The following CNGB1 variants were observed in gnomAD, a reference collection of about 807,000 sequenced individuals.
CNGB1 encodes cyclic nucleotide gated channel subunit beta 1.
CNGB1 carries 126 observed loss-of-function variants against 151.7 expected under a neutral mutation model. That is an observed-to-expected ratio of 0.83 (90% CI 0.72 to 0.96). The LOEUF is 0.96. Among genes scored for constraint, CNGB1 ranks in the 40% least tolerant of loss-of-function variants. The probability of loss-of-function intolerance (pLI) is 0.00; values close to 1 mark genes in which losing one functional copy is unlikely to be tolerated. For missense variants in CNGB1, 1,698 were observed against 1,627.0 expected, an observed-to-expected ratio of 1.04 and a Z score of -0.75; for synonymous variants, 623 against 635.1, an observed-to-expected ratio of 0.98 and a Z score of 0.29.
chr16:57,923,146 C>T (rs900878383), intron 18 of CNGB1, 127 bp downstream of exon 18: 1 of 659,528 alleles, frequency 1.5e-6, no homozygotes, highest in South Asian at 1.8e-5. Flanking sequence ...TCCCGACTTA[C>T]TGCTCGGAAG....
chr16:57,884,283 C>T lies in CNGB1; in HGVS notation c.3637G>A (p.Glu1213Lys), dbSNP rs1959842677. 6.2e-7 allele frequency: 1 copy of T among 1,613,442 alleles called. No individual in the cohort carries two copies. The highest frequency in any genetic ancestry group is 1.3e-5 in the African/African-American group (1 of 75,012). The change falls in exon 33 of 33, where the codon GAG (glutamate) becomes AAG (lysine). Residue 1213 changes from glutamate (E) to lysine (K), a missense_variant. Physicochemically the swap from Glu to Lys is moderately conservative, Grantham distance 56 (BLOSUM62 1). Transcript: ENST00000251102. ...TGCTCTTCGGGCTCGGCCGGCCCCT[C>T]CTCCTCTCCCTCCGGCCTCCCAAGG... Reference protein sequence around the residue: ...ASLGRPEGEEEGPAEPEEHSV... With the variant: ...ASLGRPEGEEKGPAEPEEHSV...
At chr16:57,955,754 G>A (rs750769179) in intron 12 of CNGB1, among the ~76,000 whole-genome samples, 2 of 151,638 alleles carry the variant, frequency 1.3e-5, no homozygotes, top group Non-Finnish European at 2.9e-5. Flanking sequence ...AGACGGAGGC[G>A]GGCACTGGAG....
At chr16:57,904,145 C>T (rs1197178927) in intron 26 of CNGB1, among the ~76,000 whole-genome samples, 164 bp from the exon 27 acceptor site, 1 of 152,084 alleles carries the variant, frequency 6.6e-6, no homozygotes, top group African/African-American at 2.4e-5. Flanking sequence ...GAAAGTTTTA[C>T]TGACGGGAAG....
intron 19 of CNGB1, among the ~76,000 whole-genome samples, 157 bp from the exon 20 acceptor site, chr16:57,919,411 G>GC (rs1467929751): frequency 6.6e-6 from 1 of 152,198 alleles, no homozygotes; most frequent in Non-Finnish European, 1.5e-5. Flanking sequence ...AACCCAAGGT[G>GC]CTCTTCTGGA....
chr16:57,945,342 C>T (rs1212524581), intron 14 of CNGB1, among the ~76,000 whole-genome samples: 1 of 152,200 alleles, frequency 6.6e-6, no homozygotes, highest in Admixed American at 6.5e-5. Context: ...GGTTCTGTCT[C>T]GGCTCTCTGC....
chr16:57,884,514 G>C, intron 32 of CNGB1, 57 bp from the exon 33 acceptor site: 1 of 1,591,022 alleles, frequency 6.3e-7, no homozygotes, highest in Non-Finnish European at 8.6e-7. Context: ...GTCTTGGAAG[G>C]GTCTTGGACA....
rs143218644 is a variant in CNGB1, at chr16:57,910,752, A to T, written c.2492+1001T>A. On this transcript the variant is annotated intron_variant, in intron 25 of 32. Coordinates refer to ENST00000251102, the MANE Select transcript of CNGB1 (RefSeq NM_001297.5). Reference sequence around the variant, plus strand: ...GACCTGGAAGCCACTCCTCCCTTTGAGTTGTCCCACCCTTCCAGATCTAAC... The same window carrying T: ...GACCTGGAAGCCACTCCTCCCTTTGTGTTGTCCCACCCTTCCAGATCTAAC... 8.0e-3 allele frequency among the ~76,000 whole-genome samples: 1,042 copies of T among 130,870 alleles called. 12 individuals carry two copies. The highest frequency in any genetic ancestry group is 0.029 in the African/African-American group (997 of 34,022). The allele number at this position is 130,870 out of a possible 152,430, so 85.9% of individuals were successfully genotyped here.
chr16:57,950,384 G>A lies in CNGB1; in HGVS notation c.1031C>T (p.Pro344Leu), dbSNP rs139849141. ...EEENKAVEKM[P>L]RELSRIEEEK... Reference sequence around the variant, plus strand: ...AGGGTCTTCTCAGACTCCCCACCTGGGCATCTTCTCCACAGCTTTGTTCTC... The same window carrying A: ...AGGGTCTTCTCAGACTCCCCACCTGAGCATCTTCTCCACAGCTTTGTTCTC... Residue 344 changes from proline (P) to leucine (L), a missense_variant, in exon 13 of 33, where the codon CCC becomes CTC. Pro to Leu is a moderately conservative substitution (Grantham distance 98). Transcript: ENST00000251102. 28 of 1,614,102 alleles carry A rather than the reference G, an allele frequency of 1.7e-5. No individual in the cohort carries two copies. The highest frequency in any genetic ancestry group is 2.2e-5 in the Non-Finnish European group (26 of 1,180,014).
At chr16:57,901,323 A>T (rs1261787168) in intron 29 of CNGB1, 29 bp downstream of exon 29, 1 of 1,610,532 alleles carries the variant, frequency 6.2e-7, no homozygotes, top group Non-Finnish European at 8.5e-7. Flanking sequence ...TGAACCCCAG[A>T]TCCCGTGGTG....
At chr16:57,957,907 A>C (rs942117927) in intron 11 of CNGB1, among the ~76,000 whole-genome samples, 2 of 152,086 alleles carry the variant, frequency 1.3e-5, no homozygotes, top group African/African-American at 4.8e-5. Context: ...TTCTATAAAG[A>C]CGTCCAATTG....
In CNGB1 at chr16:57,959,981, G is replaced by A; in HGVS notation, c.668C>T (p.Pro223Leu). ...PSLPTPIPLQ[P>L]KEEPKEAPAP... ...TGGTGCCTCCTTGGGTTCCTCCTTG[G>A]GCTGCAGGGGGATGGGTGTGGGCAG... Residue 223 changes from proline to leucine, a missense_variant, in exon 10 of 33, where the codon CCC becomes CTC. Coordinates refer to ENST00000251102, the MANE Select transcript of CNGB1 (RefSeq NM_001297.5). The A allele has an allele frequency of 6.3e-7, 1 of 1,591,052 alleles. No homozygotes were observed. Among genetic ancestry groups the A allele is most frequent in the Non-Finnish European group, 8.6e-7 (1 of 1,169,302 alleles).
intron 22 of CNGB1, 99 bp downstream of exon 22, chr16:57,916,030 A>G: frequency 8.7e-7 from 1 of 1,154,604 alleles, no homozygotes; most frequent in Non-Finnish European, 1.3e-6. Context: ...TCCGTGTGGC[A>G]GAAACCACAT....
intron 12 of CNGB1, 86 bp from the exon 13 acceptor site, chr16:57,950,626 C>A (rs1222208407): frequency 7.4e-6 from 11 of 1,488,820 alleles, no homozygotes; most frequent in African/African-American, 2.8e-5. Context: ...TGCAGGGAGC[C>A]CTGGCTGTCG....
In CNGB1 at chr16:57,883,269, TTTTG is replaced by T. The variant is rs144307949; in HGVS notation, c.*891_*894del. 59,681 of 151,836 alleles carry T rather than the reference TTTTG, an allele frequency of 0.39. 13,370 individuals carry two copies. Among genetic ancestry groups the T allele is most frequent in the Non-Finnish European group, 0.5 (33,884 of 67,980 alleles). The allele number at this position is 151,836 out of a possible 1,614,324, so 9.4% of individuals were successfully genotyped here. A position where few individuals can be genotyped will look rare whatever the true frequency, so the allele number is the denominator to read the frequency against. ...TCGGGCTGCCCTCCTTTCTTTGTTT[TTTTG>T]TTTGTGTACGTTGTTGTTGTTTGCT... is the stretch of plus-strand genomic sequence containing the variant. On this transcript the variant is annotated 3_prime_UTR_variant, in exon 33 of 33. Coordinates refer to ENST00000251102, the MANE Select transcript of CNGB1 (RefSeq NM_001297.5).
intron 10 of CNGB1, among the ~76,000 whole-genome samples, chr16:57,958,904 C>A (rs1036429479): frequency 6.7e-6 from 1 of 149,698 alleles, no homozygotes; most frequent in Non-Finnish European, 1.5e-5. Context: ...ACTACAGGCA[C>A]ATGCCATCAT....
rs1334721400 is a variant in CNGB1 at position 57,901,534 on chromosome 16, G to A, written c.2886C>T (p.Leu962=). 2.5e-6 allele frequency: 4 copies of A among 1,614,096 alleles called. No individual in the cohort carries two copies. The highest frequency in any genetic ancestry group is 3.4e-6 in the Non-Finnish European group (4 of 1,180,018). The change falls in exon 28 of 33, where the codon CTC becomes CTT. Residue 962 remains leucine (L), a synonymous_variant. Coordinates refer to ENST00000251102, the MANE Select transcript of CNGB1 (RefSeq NM_001297.5). ...AGGGCACCAAAAGGTGTACCTGAAA[G>A]AGTGCGACTTTGCTAACGATGTTGT... ...VNYNIVSKVA[L]FQGCDRQMIF... is the part of the protein sequence containing the mutation.
intron 31 of CNGB1, among the ~76,000 whole-genome samples, chr16:57,892,957 C>T (rs1162195897): frequency 2.0e-5 from 3 of 152,200 alleles, no homozygotes; most frequent in African/African-American, 7.2e-5. Flanking sequence ...CACATCATCG[C>T]TCATCTTTCC....
At chr16:57,918,601 G>T (rs116911900) in intron 20 of CNGB1, among the ~76,000 whole-genome samples, 3,118 of 152,294 alleles carry the variant, frequency 0.02, 52 homozygotes, top group Middle Eastern at 0.054. Flanking sequence ...GGAGTCCTGG[G>T]TCCGCACTAA....
chr16:57,955,204 G>A (rs1962054320), intron 12 of CNGB1: 2 of 1,529,082 alleles, frequency 1.3e-6, no homozygotes, highest in South Asian at 1.2e-5. Context: ...GGAGTGTGTG[G>A]AGAGGGAGGG....
Sources: gnomAD v4.1 joint callset for allele counts (sites outside exome capture counted in the v4.1 genomes callset) on GRCh38, gnomAD v4.1.1 for gene constraint, MANE v1.5 for transcripts, NCBI Gene and HGNC (gene_info 2026-07-23, HGNC 2026-07-21) for gene names.